The following FYN variants were observed in gnomAD, a reference collection of about 807,000 sequenced individuals.
FYN encodes tyrosine-protein kinase Fyn.
In FYN, 10 loss-of-function variants were observed where a neutral mutation model predicts 70.2. The ratio of observed to expected loss-of-function variants is 0.14; its 90% CI spans 0.09 to 0.24. The LOEUF is 0.24. FYN is among the 10% of genes least tolerant of loss of function. The probability of loss-of-function intolerance (pLI) is 1.00; values close to 1 mark genes in which losing one functional copy is unlikely to be tolerated. For missense variants in FYN, 319 were observed against 673.1 expected, an observed-to-expected ratio of 0.47 and a Z score of 5.82; for synonymous variants, 236 against 248.6, an observed-to-expected ratio of 0.95 and a Z score of 0.48.
At chr6:111,728,932 A>G (rs1419280467) in intron 3 of FYN, among the ~76,000 whole-genome samples, 1 of 152,242 alleles carries the variant, frequency 6.6e-6, no homozygotes, top group Non-Finnish European at 1.5e-5. Flanking sequence ...TTGGCAACAA[A>G]AAAAGGAAAA....
intron 2 of FYN, among the ~76,000 whole-genome samples, chr6:111,836,858 T>C (rs1300511283): frequency 6.6e-6 from 1 of 152,230 alleles, no homozygotes; most frequent in East Asian, 1.9e-4. Context: ...ATATAGTATT[T>C]GTTGTTGTTA....
At chr6:111,835,139 T>C (rs1383980142) in intron 2 of FYN, among the ~76,000 whole-genome samples, 2 of 152,204 alleles carry the variant, frequency 1.3e-5, no homozygotes, top group Admixed American at 6.5e-5. Context: ...GTAAGTTAAT[T>C]CAAAGGCAAG....
chr6:111,847,659 C>A (rs1470138366), intron 1 of FYN, among the ~76,000 whole-genome samples: 1 of 151,972 alleles, frequency 6.6e-6, no homozygotes, highest in East Asian at 1.9e-4. Flanking sequence ...AAAACCATCC[C>A]CCACCACACA....
intron 12 of FYN, among the ~76,000 whole-genome samples, chr6:111,690,705 C>T (rs1474713374): frequency 2.6e-5 from 4 of 152,220 alleles, no homozygotes; most frequent in Admixed American, 6.5e-5. Flanking sequence ...CATTGTTTCA[C>T]TTAATCTTTG....
At chr6:111,749,515 T>C (rs1179186797) in intron 3 of FYN, among the ~76,000 whole-genome samples, 2 of 152,206 alleles carry the variant, frequency 1.3e-5, no homozygotes, top group Non-Finnish European at 2.9e-5. Flanking sequence ...TATTAAAACA[T>C]GAACACAAAA....
intron 7 of FYN, 60 bp from the exon 8 acceptor site, chr6:111,703,094 G>T: frequency 6.5e-7 from 1 of 1,541,658 alleles, no homozygotes; most frequent in Non-Finnish European, 8.8e-7. Flanking sequence ...TTGCTTTTTA[G>T]GCCTCATTTT....
chr6:111,807,556 C>T (rs969675065), intron 2 of FYN, among the ~76,000 whole-genome samples: 1 of 152,144 alleles, frequency 6.6e-6, no homozygotes, highest in Admixed American at 6.5e-5. Context: ...ACACATGGCA[C>T]AAAAAGCAGG....
At chr6:111,671,148 C>T (rs990412911) in intron 13 of FYN, among the ~76,000 whole-genome samples, 3 of 152,224 alleles carry the variant, frequency 2.0e-5, no homozygotes, top group African/African-American at 7.2e-5. Context: ...TTTTCTCTAC[C>T]ACCCCCGTTA....
intron 2 of FYN, chr6:111,814,141 T>C (rs1353853478): frequency 6.6e-6 from 1 of 152,128 alleles, no homozygotes; most frequent in Non-Finnish European, 1.5e-5. Flanking sequence ...TCTGGAGGAG[T>C]TGAAAAGCTA....
chr6:111,690,390 C>A (rs1256824330), intron 12 of FYN, among the ~76,000 whole-genome samples: 1 of 152,154 alleles, frequency 6.6e-6, no homozygotes, highest in Non-Finnish European at 1.5e-5. Context: ...AGGACCAAGA[C>A]CACCACCTCA....
intron 12 of FYN, among the ~76,000 whole-genome samples, chr6:111,679,081 C>T (rs766309400): frequency 1.3e-5 from 2 of 152,182 alleles, no homozygotes; most frequent in Non-Finnish European, 2.9e-5. Flanking sequence ...TTCTCCTCTG[C>T]TTCCCTCCTC....
At chr6:111,845,719 A>T (rs1773506737) in intron 2 of FYN, among the ~76,000 whole-genome samples, 2 of 152,200 alleles carry the variant, frequency 1.3e-5, no homozygotes, top group African/African-American at 4.8e-5. Flanking sequence ...CATAACTCAG[A>T]ACAGCTGAAA....
At chr6:111,793,421 A>C (rs1771696833) in intron 2 of FYN, among the ~76,000 whole-genome samples, 1 of 152,106 alleles carries the variant, frequency 6.6e-6, no homozygotes, top group African/African-American at 2.4e-5. Context: ...GCGCATCCCC[A>C]GATGAGAAAG....
intron 3 of FYN, among the ~76,000 whole-genome samples, chr6:111,750,661 C>T (rs188109555): frequency 3.5e-4 from 53 of 151,734 alleles, no homozygotes; most frequent in African/African-American, 1.3e-3. Context: ...TTTCTTCCCT[C>T]CTTTCCTTTC....
intron 12 of FYN, among the ~76,000 whole-genome samples, chr6:111,685,385 T>C (rs1011286942): frequency 2.0e-5 from 3 of 152,176 alleles, no homozygotes; most frequent in African/African-American, 7.2e-5. Flanking sequence ...CAAAGGATAA[T>C]AGGATATACA....
At chr6:111,734,394 C>T (rs1411981204) in intron 3 of FYN, among the ~76,000 whole-genome samples, 3 of 152,214 alleles carry the variant, frequency 2.0e-5, no homozygotes, top group African/African-American at 7.2e-5. Context: ...CTAGGCATTG[C>T]TGTGTCCTAC....
intron 2 of FYN, among the ~76,000 whole-genome samples, chr6:111,786,911 T>A (rs1171558064): frequency 6.6e-6 from 1 of 152,206 alleles, no homozygotes; most frequent in African/African-American, 2.4e-5. Context: ...TTGATGGGGT[T>A]GTTTGATTTT....
intron 3 of FYN, among the ~76,000 whole-genome samples, chr6:111,746,872 TGAGAGACA>T (rs1687045152): frequency 6.6e-6 from 1 of 151,098 alleles, no homozygotes; most frequent in African/African-American, 2.4e-5. Flanking sequence ...AGAGAGAGAA[TGAGAGACA>T]GAGAGAGAGA....
intron 2 of FYN, among the ~76,000 whole-genome samples, chr6:111,798,995 C>T (rs1005553688): frequency 1.3e-5 from 2 of 152,138 alleles, no homozygotes; most frequent in African/African-American, 2.4e-5. Flanking sequence ...TGTTTCCAAC[C>T]ACAGCCAAAA....
Sources: allele counts gnomAD v4.1 joint callset (sites outside exome capture counted in the v4.1 genomes callset), GRCh38; gene constraint gnomAD v4.1.1; transcripts MANE v1.5; gene names NCBI Gene and HGNC (gene_info 2026-07-23, HGNC 2026-07-21).